Variants in MYO16 observed in about 807,000 individuals in gnomAD.
The protein encoded by MYO16 is unconventional myosin-XVI.
A neutral mutation model predicts 205.3 loss-of-function variants in MYO16; 94 were observed. The observed-to-expected ratio is 0.46, with a 90% CI of 0.39 to 0.54. The LOEUF is 0.54. Among genes scored for constraint, MYO16 ranks in the 20% least tolerant of loss-of-function variants. MYO16 has a pLI of 0.00. For synonymous variants in MYO16, 988 were observed against 954.0 expected, an observed-to-expected ratio of 1.04 and a Z score of -0.66; for missense variants, 2,315 against 2,387.5, an observed-to-expected ratio of 0.97 and a Z score of 0.63.
intron 20 of MYO16, among the ~76,000 whole-genome samples, chr13:108,966,629 G>A (rs991659000): frequency 6.6e-6 from 1 of 152,010 alleles, no homozygotes; most frequent in East Asian, 1.9e-4. Flanking sequence ...AGATTAATGG[G>A]AAATTAGAGG....
the MYO16 span, among the ~76,000 whole-genome samples, chr13:108,508,023 C>A: frequency 1.3e-5 from 2 of 151,490 alleles, no homozygotes; most frequent in Non-Finnish European, 2.9e-5. Flanking sequence ...TTAATATTCT[C>A]TTTTTGTTCA....
chr13:108,603,374 T>A (rs1878836002), intron 1 of MYO16, among the ~76,000 whole-genome samples: 3 of 152,194 alleles, frequency 2.0e-5, no homozygotes, highest in Non-Finnish European at 2.9e-5. Context: ...TATAGTTTAT[T>A]TCTAAATTGA....
intron 4 of MYO16, among the ~76,000 whole-genome samples, chr13:108,770,124 A>G (rs1226387622): frequency 6.6e-6 from 1 of 152,194 alleles, no homozygotes; most frequent in African/African-American, 2.4e-5. Flanking sequence ...CTAAAAAATG[A>G]TTATATAAAA....
chr13:108,982,283 GTTAA>G (rs779665569), intron 20 of MYO16, among the ~76,000 whole-genome samples: 1 of 152,300 alleles, frequency 6.6e-6, no homozygotes, highest in South Asian at 2.1e-4. Flanking sequence ...TGATGGACAT[GTTAA>G]TTACTTTCAC....
the MYO16 span, among the ~76,000 whole-genome samples, chr13:108,549,942 G>A: frequency 6.6e-6 from 1 of 152,196 alleles, no homozygotes; most frequent in Admixed American, 6.5e-5. Context: ...AGACTTTCTG[G>A]CCCCTGCATG....
chr13:109,001,089 T>C (rs1037358569), intron 21 of MYO16, among the ~76,000 whole-genome samples: 7 of 151,712 alleles, frequency 4.6e-5, no homozygotes, highest in African/African-American at 1.7e-4. Context: ...ACTTAAAATT[T>C]GTTATATATA....
At chr13:108,853,764 G>A (rs1878013047) in intron 10 of MYO16, among the ~76,000 whole-genome samples, 1 of 151,872 alleles carries the variant, frequency 6.6e-6, no homozygotes, top group African/African-American at 2.4e-5. Context: ...ACCATGCCCA[G>A]CTAATGGAAT....
the MYO16 span, among the ~76,000 whole-genome samples, chr13:108,555,755 C>T: frequency 6.6e-6 from 1 of 152,282 alleles, no homozygotes; most frequent in South Asian, 2.1e-4. Flanking sequence ...TCCTCCTCCT[C>T]CCCTTACCAC....
At chr13:108,558,569 T>C in the MYO16 span, among the ~76,000 whole-genome samples, 1 of 152,336 alleles carries the variant, frequency 6.6e-6, no homozygotes, top group East Asian at 1.9e-4. Flanking sequence ...GAGGAGAGGA[T>C]GAGGCCTTTG....
At chr13:108,717,253 G>A (rs2139561860) in intron 3 of MYO16, among the ~76,000 whole-genome samples, 1 of 152,142 alleles carries the variant, frequency 6.6e-6, no homozygotes, top group Admixed American at 6.6e-5. Flanking sequence ...TTAGAAATAA[G>A]AACTACTCTT....
chr13:108,533,858 C>A, the MYO16 span, among the ~76,000 whole-genome samples: 2 of 152,096 alleles, frequency 1.3e-5, no homozygotes, highest in Non-Finnish European at 2.9e-5. Flanking sequence ...TGCATATATT[C>A]AATTGAACAT....
At chr13:108,858,968 C>A (rs1461725376) in intron 11 of MYO16, among the ~76,000 whole-genome samples, 1 of 152,114 alleles carries the variant, frequency 6.6e-6, no homozygotes, top group Non-Finnish European at 1.5e-5. Flanking sequence ...ATTTGACCAC[C>A]ATATGCCCAT....
chr13:108,621,328 C>G (rs1274513353), intron 1 of MYO16, among the ~76,000 whole-genome samples: 1 of 152,228 alleles, frequency 6.6e-6, no homozygotes, highest in Non-Finnish European at 1.5e-5. Flanking sequence ...TGGTAGTCCC[C>G]CCACTTATTT....
intron 12 of MYO16, 66 bp downstream of exon 12, chr13:108,866,308 T>C: frequency 3.0e-6 from 3 of 997,150 alleles, no homozygotes; most frequent in Non-Finnish European, 2.9e-6. Flanking sequence ...TACATGTTTG[T>C]ATCAAATGAC....
In MYO16 at chr13:109,126,520, T is replaced by C. The variant is rs1184975867; in HGVS notation, c.3783-762T>C. 2.6e-5 allele frequency among the ~76,000 whole-genome samples: 4 copies of C among 152,224 alleles called. No homozygotes were observed. The East Asian group carries it at 7.7e-4, about 29-fold the overall frequency. ...TTTTAAGCAAGATAACTATTAATTT[T>C]ATATGACTTCCAAAATAATATTTAT... On this transcript the variant is annotated intron_variant, in intron 30 of 34. Coordinates refer to ENST00000457511, the MANE Select transcript of MYO16 (RefSeq NM_001198950.3).
intron 9 of MYO16, among the ~76,000 whole-genome samples, chr13:108,832,293 C>T (rs1234380800): frequency 1.3e-5 from 2 of 151,862 alleles, no homozygotes; most frequent in Non-Finnish European, 2.9e-5. Context: ...TAGGTGTGCA[C>T]CACCGTGCCC....
intron 34 of MYO16, among the ~76,000 whole-genome samples, chr13:109,198,588 G>GAGAA (rs1357349239): frequency 6.6e-6 from 1 of 152,172 alleles, no homozygotes; most frequent in Non-Finnish European, 1.5e-5. Context: ...CATAAATCGT[G>GAGAA]AGAAGTGCAC....
chr13:109,116,517 A>C (rs113204108), intron 28 of MYO16, among the ~76,000 whole-genome samples: 20 of 152,096 alleles, frequency 1.3e-4, no homozygotes, highest in Non-Finnish European at 1.9e-4. Context: ...CTGGCCTGAC[A>C]TGCAGATCTG....
At chr13:108,865,777 T>C (rs1440263615) in intron 11 of MYO16, among the ~76,000 whole-genome samples, 1 of 152,110 alleles carries the variant, frequency 6.6e-6, no homozygotes, top group African/African-American at 2.4e-5. Context: ...TACTAACTTC[T>C]CACTTATGCA....
Sources: gnomAD v4.1 joint callset for allele counts (sites outside exome capture counted in the v4.1 genomes callset) on GRCh38, gnomAD v4.1.1 for gene constraint, MANE v1.5 for transcripts, NCBI Gene and HGNC (gene_info 2026-07-23, HGNC 2026-07-21) for gene names.